The following ARID4B variants were observed in gnomAD, a reference collection of about 807,000 sequenced individuals.
ARID4B encodes AT-rich interaction domain 4B.
Under a neutral mutation model 147.5 loss-of-function variants are expected in ARID4B, and 26 were observed. The observed-to-expected ratio is 0.18, with a 90% CI of 0.13 to 0.24. ARID4B has a LOEUF of 0.24. ARID4B is among the 10% of genes least tolerant of loss of function. The probability of loss-of-function intolerance (pLI) is 1.00; values close to 1 mark genes in which losing one functional copy is unlikely to be tolerated. For missense variants in ARID4B, 1,179 were observed against 1,511.5 expected, an observed-to-expected ratio of 0.78 and a Z score of 3.65; for synonymous variants, 512 against 507.9, an observed-to-expected ratio of 1.01 and a Z score of -0.11.
intron 2 of ARID4B, among the ~76,000 whole-genome samples, chr1:235,292,374 G>T (rs1202704440): frequency 6.6e-6 from 1 of 152,178 alleles, no homozygotes; most frequent in African/African-American, 2.4e-5. Context: ...AGCACTTTGG[G>T]AGGCCAAGGC....
chr1:235,270,647 A>C (rs1056404172), intron 2 of ARID4B, among the ~76,000 whole-genome samples: 1 of 152,338 alleles, frequency 6.6e-6, no homozygotes, highest in East Asian at 1.9e-4. Context: ...ATTGGGAGAG[A>C]CATTATTAAA....
At chr1:235,255,595 T>G (rs1180495877) in intron 5 of ARID4B, 65 bp downstream of exon 5, 2 of 1,019,520 alleles carry the variant, frequency 2.0e-6, no homozygotes, top group East Asian at 5.3e-5. Flanking sequence ...AATTTCATTT[T>G]ATTTGTATTA....
intron 2 of ARID4B, among the ~76,000 whole-genome samples, chr1:235,275,555 C>T (rs191772799): frequency 2.0e-5 from 3 of 152,336 alleles, no homozygotes; most frequent in Admixed American, 2.0e-4. Context: ...TCAAGCCAAA[C>T]TGGAGTTCCC....
At chr1:235,181,454 T>C in intron 20 of ARID4B, 131 bp downstream of exon 20, 1 of 1,241,734 alleles carries the variant, frequency 8.1e-7, no homozygotes. Context: ...CTTTAAAATT[T>C]CCATTTTTAC....
At chr1:235,266,344 TTTC>T (rs1438012329) in intron 2 of ARID4B, among the ~76,000 whole-genome samples, 2 of 152,234 alleles carry the variant, frequency 1.3e-5, no homozygotes, top group African/African-American at 4.8e-5. Flanking sequence ...ACTCTTGCCT[TTTC>T]TTTTTGCTCT....
intron 2 of ARID4B, among the ~76,000 whole-genome samples, chr1:235,276,574 A>G (rs1178661868): frequency 1.3e-5 from 2 of 152,128 alleles, no homozygotes; most frequent in East Asian, 3.8e-4. Flanking sequence ...AGGCAGTAGG[A>G]TTGCTTGAGC....
intron 21 of ARID4B, among the ~76,000 whole-genome samples, chr1:235,177,110 T>G (rs1426376757): frequency 1.3e-5 from 2 of 152,220 alleles, no homozygotes; most frequent in Non-Finnish European, 2.9e-5. Context: ...AGACAAATGT[T>G]GTAGACTGGA....
rs543747173 is a variant in ARID4B at position 235,167,659 on chromosome 1, A to G, written c.*866T>C. On this transcript the variant is annotated 3_prime_UTR_variant, in exon 24 of 24. Transcript: ENST00000264183. ...TAAGCAATACAAATGAATTATCTGT[A>G]TTTAAGGGAAAAGAAACATTTACAA... 8 of 204,600 alleles carry G rather than the reference A, an allele frequency of 3.9e-5. No individual in the cohort carries two copies. Among genetic ancestry groups the G allele is most frequent in the South Asian group, 3.8e-4 (2 of 5,266 alleles). The allele number at this position is 204,600 out of a possible 1,614,324, so 12.7% of individuals were successfully genotyped here.
At chr1:235,185,385 T>C (rs1664605803) in intron 19 of ARID4B, among the ~76,000 whole-genome samples, 1 of 152,228 alleles carries the variant, frequency 6.6e-6, no homozygotes, top group East Asian at 1.9e-4. Context: ...TACATTATTT[T>C]ATTTCATTAA....
At chr1:235,249,928 G>A (rs1669536544) in intron 6 of ARID4B, among the ~76,000 whole-genome samples, 1 of 138,802 alleles carries the variant, frequency 7.2e-6, no homozygotes, top group Non-Finnish European at 1.5e-5. Flanking sequence ...GACAGAGAGA[G>A]ACTCCATCTC....
At chr1:235,305,364 T>A (rs1282629884) in intron 2 of ARID4B, among the ~76,000 whole-genome samples, 1 of 152,204 alleles carries the variant, frequency 6.6e-6, no homozygotes, top group Non-Finnish European at 1.5e-5. Context: ...TCCCTCTCGA[T>A]ACACACATAA....
Position 235,246,420 on chromosome 1 carries a change from A to C in ARID4B, c.446T>G (p.Ile149Arg). 1.3e-6 allele frequency: 2 copies of C among 1,593,230 alleles called. No individual in the cohort carries two copies. Among genetic ancestry groups the C allele is most frequent in the African/African-American group, 2.7e-5 (2 of 74,574 alleles). The change falls in exon 7 of 24, where the codon ATA (isoleucine) becomes AGA (arginine). Residue 149 changes from isoleucine to arginine, a missense_variant and splice_region_variant. Around this residue, in one of 10 missense-constraint regions of ARID4B, gnomAD observed 159 missense variants for 190.5 expected, o/e 0.83. Coordinates refer to ENST00000264183, the MANE Select transcript of ARID4B (RefSeq NM_016374.6). ...KTNRGRRSNH[I>R]PEEESSSSSS... ...CTAACAGTCATGAAAATGGACTTAC[A>C]TATGATTAGATCTTCTTCCTCTATT...
At chr1:235,249,154 G>A (rs931873118) in intron 6 of ARID4B, among the ~76,000 whole-genome samples, 109 of 151,808 alleles carry the variant, frequency 7.2e-4, no homozygotes, top group African/African-American at 2.3e-3. Flanking sequence ...CCAACATGGC[G>A]AAACCCCATC....
chr1:235,181,503 A>G lies in ARID4B; in HGVS notation c.3334+82T>C, dbSNP rs374600095. On this transcript the variant is annotated intron_variant, in intron 20 of 23. Transcript: ENST00000264183. ...ATATGACACTTAATCGCCTCAGGTTATAACAAGAGATACTGTGAAATCATT... is the reference window on the plus strand; with the variant it reads ...ATATGACACTTAATCGCCTCAGGTTGTAACAAGAGATACTGTGAAATCATT... 154 of 1,494,510 alleles carry G rather than the reference A, an allele frequency of 1.0e-4. No individual in the cohort carries two copies. In the African/African-American group the frequency reaches 1.9e-3, roughly 18 times the overall value. The allele number at this position is 1,494,510 out of a possible 1,614,324, so 92.6% of individuals were successfully genotyped here.
Position 235,277,549 on chromosome 1 carries a change from A to AAAT in ARID4B, c.7-16800_7-16798dup, listed in dbSNP as rs1553309718. 6.5e-3 allele frequency among the ~76,000 whole-genome samples: 939 copies of AAAT among 144,100 alleles called. 38 individuals are homozygous for AAAT. The highest frequency in any genetic ancestry group is 0.024 in the African/African-American group (896 of 37,360). The allele number at this position is 144,100 out of a possible 152,430, so 94.5% of individuals were successfully genotyped here. A position where few individuals can be genotyped will look rare whatever the true frequency, so the allele number is the denominator to read the frequency against. ...GAGACTCCGTCTCAAAAAAAAAAAA[A>AAAT]AATAATAATAATAATGTAAATGAGA... On this transcript the variant is annotated intron_variant, in intron 2 of 23. Transcript: ENST00000264183.
intron 2 of ARID4B, among the ~76,000 whole-genome samples, chr1:235,263,300 T>C (rs375512832): frequency 1.3e-5 from 2 of 152,232 alleles, no homozygotes; most frequent in South Asian, 4.1e-4. Context: ...TAGGAATTGA[T>C]ACACTTTTAA....
chr1:235,219,919 T>A lies in ARID4B; in HGVS notation c.1457A>T (p.Glu486Val). The stretch of plus-strand genomic sequence containing the variant: ...TGGTTTTTTAATGTTAACTTCTTTT[T>A]CCTGATCAGAATGTGTAGGTATAGA... Reference protein sequence around the residue: ...LESIPTHSDQEKEVNIKKPED... With the variant: ...LESIPTHSDQVKEVNIKKPED... The change falls in exon 16 of 24, where the codon GAA becomes GTA. Residue 486 changes from glutamate (E) to valine (V), a missense_variant. Coordinates refer to ENST00000264183, the MANE Select transcript of ARID4B (RefSeq NM_016374.6). The A allele has an allele frequency of 1.9e-6, 3 of 1,589,714 alleles. No homozygotes were observed. Among genetic ancestry groups the A allele is most frequent in the Non-Finnish European group, 2.6e-6 (3 of 1,161,480 alleles).
rs377530004 is a variant in ARID4B at position 235,255,264 on chromosome 1, T to TAGATAGATAG, written c.274+395_274+396insCTATCTATCT. ...ATAGATAGATAGATAGATAGATAGA[T>TAGATAGATAG]ATATATCTCTCTCTCTCTCTCTCTA... On this transcript the variant is annotated intron_variant, in intron 5 of 23. Coordinates refer to ENST00000264183, the MANE Select transcript of ARID4B (RefSeq NM_016374.6). Among the ~76,000 whole-genome samples the TAGATAGATAG allele has an allele frequency of 3.2e-3, 357 of 109,960 alleles. 1 individual carries two copies. The highest frequency in any genetic ancestry group is 4.6e-3 in the Admixed American group (47 of 10,268). The allele number at this position is 109,960 out of a possible 152,430, so 72.1% of individuals were successfully genotyped here.
In ARID4B at chr1:235,177,800, T is replaced by C; in HGVS notation, c.3448A>G (p.Thr1150Ala). The C allele has an allele frequency of 6.3e-7, 1 of 1,590,726 alleles. No individual in the cohort carries two copies. Among genetic ancestry groups the C allele is most frequent in the Non-Finnish European group, 8.6e-7 (1 of 1,166,984 alleles). The change falls in exon 21 of 24, where the codon ACA becomes GCA. Residue 1150 changes from threonine (T) to alanine (A), a missense_variant and splice_region_variant. Coordinates refer to ENST00000264183, the MANE Select transcript of ARID4B (RefSeq NM_016374.6). Reference protein sequence around the residue: ...VVNNKKKGKGTNSSDSEELSA... With the variant: ...VVNNKKKGKGANSSDSEELSA... ...TAAAAATTAGAGATTTCACACTTAC[T>C]GCCTTTTCCCTTCTTTTTGTTGTTT... is the stretch of plus-strand genomic sequence containing the variant.
Sources: allele counts gnomAD v4.1 joint callset (sites outside exome capture counted in the v4.1 genomes callset), GRCh38; gene constraint gnomAD v4.1.1; regional missense constraint gnomAD v4.1.1; transcripts MANE v1.5; gene names NCBI Gene and HGNC (gene_info 2026-07-23, HGNC 2026-07-21).